The following C1orf87 variants were observed in gnomAD, a reference collection of about 807,000 sequenced individuals.
C1orf87 encodes uncharacterized protein C1orf87.
C1orf87 carries 58 observed loss-of-function variants against 60.5 expected under a neutral mutation model. The ratio of observed to expected loss-of-function variants is 0.96; its 90% CI spans 0.78 to 1.19. The LOEUF (loss-of-function observed/expected upper bound fraction) is 1.19, where lower values mean the gene tolerates loss of function less well. Ranked by LOEUF, C1orf87 falls within the 50% of genes most tolerant of loss-of-function variation. The pLI is 0.00. For missense variants in C1orf87, 673 were observed against 638.6 expected (o/e 1.05, Z -0.58); for synonymous variants, 236 against 227.4 (o/e 1.04, Z -0.34).
intron 8 of C1orf87, among the ~76,000 whole-genome samples, chr1:60,023,227 A>G (rs1184989973): frequency 1.3e-5 from 2 of 151,976 alleles, no homozygotes; most frequent in Non-Finnish European, 1.5e-5. Context: ...CCATGTCTTT[A>G]TAGTTTTCTC....
At chr1:60,043,163 G>C (rs1645339099) in intron 3 of C1orf87, among the ~76,000 whole-genome samples, 1 of 152,116 alleles carries the variant, frequency 6.6e-6, no homozygotes, top group Non-Finnish European at 1.5e-5. Flanking sequence ...GATAAGCCTG[G>C]AGAGAGAGAG....
At chr1:60,022,300 T>C (rs1448699569) in intron 8 of C1orf87, among the ~76,000 whole-genome samples, 2 of 151,738 alleles carry the variant, frequency 1.3e-5, no homozygotes, top group Admixed American at 6.6e-5. Flanking sequence ...AGAAAGATAA[T>C]GGTAGTGTGG....
At chr1:59,996,117 T>G (rs1039055743) in intron 11 of C1orf87, among the ~76,000 whole-genome samples, 3 of 152,332 alleles carry the variant, frequency 2.0e-5, no homozygotes, top group Admixed American at 2.0e-4. Context: ...GTATGGCAAT[T>G]ATACTTCCTC....
intron 6 of C1orf87, among the ~76,000 whole-genome samples, chr1:60,037,677 C>T (rs1574314168): frequency 6.6e-6 from 1 of 152,336 alleles, no homozygotes; most frequent in Admixed American, 6.5e-5. Context: ...AGGGATTAAG[C>T]TTCCAACACA....
At chr1:60,021,009 G>A (rs1187738354) in intron 8 of C1orf87, among the ~76,000 whole-genome samples, 2 of 152,000 alleles carry the variant, frequency 1.3e-5, no homozygotes, top group Admixed American at 6.6e-5. Flanking sequence ...TTCTCATGAG[G>A]TTTGATGGTT....
At chr1:60,048,342 T>C (rs1337175475) in intron 3 of C1orf87, among the ~76,000 whole-genome samples, 1 of 152,064 alleles carries the variant, frequency 6.6e-6, no homozygotes, top group East Asian at 1.9e-4. Context: ...TGATCAAGCT[T>C]TCAGATAACT....
At chr1:60,055,148 A>G in intron 3 of C1orf87, 56 bp downstream of exon 3, 2 of 1,416,492 alleles carry the variant, frequency 1.4e-6, no homozygotes, top group Non-Finnish European at 2.0e-6. Context: ...CTATGTTTTT[A>G]TCTATATTTT....
intron 2 of C1orf87, among the ~76,000 whole-genome samples, chr1:60,062,496 A>G (rs1280114972): frequency 6.6e-6 from 1 of 152,190 alleles, no homozygotes; most frequent in Non-Finnish European, 1.5e-5. Context: ...ACCTGCCAGC[A>G]CTGGGTATCT....
chr1:60,071,735 T>C (rs371976343), intron 2 of C1orf87, among the ~76,000 whole-genome samples: 2 of 152,208 alleles, frequency 1.3e-5, no homozygotes, highest in African/African-American at 4.8e-5. Flanking sequence ...TGATGACAGC[T>C]AGGTTTAGCA....
intron 9 of C1orf87, among the ~76,000 whole-genome samples, chr1:60,003,806 G>A (rs1401701632): frequency 1.3e-5 from 2 of 151,998 alleles, no homozygotes; most frequent in Non-Finnish European, 2.9e-5. Context: ...AAAGTCACTA[G>A]ACATTTAGTG....
At chr1:60,008,825 C>T (rs1415672) in intron 9 of C1orf87, 388 of 387,044 alleles carry the variant, frequency 1.0e-3, no homozygotes, top group African/African-American at 7.6e-3. Context: ...TAAATTATGT[C>T]GCAGTCCAAG....
rs532817346 is a variant in C1orf87 at position 60,020,581 on chromosome 1, T to C, written c.1127+4820A>G. 2.5e-4 allele frequency among the ~76,000 whole-genome samples: 38 copies of C among 152,314 alleles called. No individual in the cohort carries two copies. The Middle Eastern group carries it at 0.014, about 55-fold the overall frequency. On this transcript the variant is annotated intron_variant, in intron 8 of 11. Coordinates refer to ENST00000371201, the MANE Select transcript of C1orf87 (RefSeq NM_152377.3). ...TGCTCTGCTGGGTTTTGGACTTGCA[T>C]GGGGTCTGTAGCTCCTTTCTTTTGG...
chr1:60,043,784 AT>A (rs11364951), intron 3 of C1orf87, among the ~76,000 whole-genome samples: 47,608 of 149,618 alleles, frequency 0.32, 7,850 homozygotes, highest in South Asian at 0.48. Context: ...GCCACACACA[AT>A]TTTTTTTTTT....
chr1:59,998,237 A>C (rs1430764960), intron 10 of C1orf87, among the ~76,000 whole-genome samples: 1 of 152,164 alleles, frequency 6.6e-6, no homozygotes. Flanking sequence ...TGATCGAAAC[A>C]ATAATGATGT....
chr1:60,012,440 G>T (rs946413690), intron 8 of C1orf87, among the ~76,000 whole-genome samples: 11 of 152,140 alleles, frequency 7.2e-5, no homozygotes, highest in African/African-American at 2.6e-4. Flanking sequence ...AATGGTATAG[G>T]ACTTACATGA....
intron 2 of C1orf87, among the ~76,000 whole-genome samples, chr1:60,057,719 A>G (rs1197507257): frequency 6.6e-6 from 1 of 152,150 alleles, no homozygotes; most frequent in Non-Finnish European, 1.5e-5. Flanking sequence ...TTCTCTGATA[A>G]CAAGGTATGG....
intron 6 of C1orf87, among the ~76,000 whole-genome samples, chr1:60,036,900 G>A (rs971569178): frequency 6.6e-6 from 1 of 152,156 alleles, no homozygotes; most frequent in African/African-American, 2.4e-5. Flanking sequence ...CTCAGGAGCT[G>A]ACTGACTGAA....
intron 2 of C1orf87, among the ~76,000 whole-genome samples, chr1:60,070,816 C>T (rs1013784743): frequency 9.2e-5 from 14 of 152,088 alleles, no homozygotes; most frequent in African/African-American, 2.7e-4. Flanking sequence ...AGGCACCTTC[C>T]TATAAGATAA....
intron 2 of C1orf87, among the ~76,000 whole-genome samples, chr1:60,068,827 T>C (rs1225624319): frequency 2.0e-5 from 3 of 152,198 alleles, no homozygotes; most frequent in Non-Finnish European, 4.4e-5. Context: ...AGCTCCTATC[T>C]CCTTTTTGAA....
Sources: gnomAD v4.1 joint callset for allele counts (sites outside exome capture counted in the v4.1 genomes callset) on GRCh38, gnomAD v4.1.1 for gene constraint, MANE v1.5 for transcripts, NCBI Gene and HGNC (gene_info 2026-07-23, HGNC 2026-07-21) for gene names.